EPHA3: variants seen among roughly 807,000 people sequenced by gnomAD.
EPHA3 encodes EPH receptor A3, also known as ephrin type-A receptor 3.
A neutral mutation model predicts 107.1 loss-of-function variants in EPHA3; 42 were observed. That is an observed-to-expected ratio of 0.39 (90% CI 0.31 to 0.51). The LOEUF (loss-of-function observed/expected upper bound fraction) is 0.51. Among genes scored for constraint, EPHA3 ranks in the 20% least tolerant of loss-of-function variants. EPHA3 has a pLI of 0.78. For missense variants in EPHA3, 1,183 were observed against 1,211.2 expected (o/e 0.98, Z 0.35); for synonymous variants, 461 against 424.8 (o/e 1.09, Z -1.05).
chr3:89,228,766 CA>C (rs1704558523), intron 3 of EPHA3, among the ~76,000 whole-genome samples: 1 of 151,792 alleles, frequency 6.6e-6, no homozygotes, highest in South Asian at 2.1e-4. Context: ...TGAATGGAAA[CA>C]TACACTTGAT....
At chr3:89,292,358 G>T (rs1481743490) in intron 3 of EPHA3, among the ~76,000 whole-genome samples, 1 of 152,082 alleles carries the variant, frequency 6.6e-6, no homozygotes, top group African/African-American at 2.4e-5. Context: ...ATGATTTAAA[G>T]TATACAAGAG....
intron 16 of EPHA3, among the ~76,000 whole-genome samples, chr3:89,475,781 A>G (rs1233142212): frequency 6.6e-6 from 1 of 152,158 alleles, no homozygotes; most frequent in African/African-American, 2.4e-5. Context: ...GAAGTACCAG[A>G]TAACACTTTA....
At chr3:89,442,112 A>T (rs2107547000) in intron 13 of EPHA3, among the ~76,000 whole-genome samples, 1 of 152,324 alleles carries the variant, frequency 6.6e-6, no homozygotes, top group South Asian at 2.1e-4. Flanking sequence ...TTACTAGCAA[A>T]CTTAAATTAA....
Position 89,431,300 on chromosome 3 carries a change from T to A in EPHA3, c.2287T>A (p.Ser763Thr). 6.2e-7 allele frequency: 1 copy of A among 1,613,818 alleles called. No homozygotes were observed. The highest frequency in any genetic ancestry group is 8.5e-7 in the Non-Finnish European group (1 of 1,179,936). ...CAACAGTAACTTGGTGTGTAAGGTT[T>A]CTGATTTCGGACTTTCGCGTGTCCT... ...LINSNLVCKV[S>T]DFGLSRVLED... Residue 763 changes from serine (S) to threonine (T), a missense_variant, in exon 13 of 17, where the codon TCT becomes ACT. Transcript: ENST00000336596.
chr3:89,298,314 A>G (rs181732247), intron 3 of EPHA3, among the ~76,000 whole-genome samples: 9 of 151,818 alleles, frequency 5.9e-5, no homozygotes, highest in East Asian at 3.9e-4. Context: ...CTGCAAAAAA[A>G]CTCTAGTCAT....
chr3:89,309,807 A>G (rs1341833701), intron 3 of EPHA3, among the ~76,000 whole-genome samples: 1 of 152,054 alleles, frequency 6.6e-6, no homozygotes, highest in African/African-American at 2.4e-5. Context: ...TACAAATTTA[A>G]AGAAGACCTT....
At chr3:89,226,190 T>C (rs1199639861) in intron 3 of EPHA3, among the ~76,000 whole-genome samples, 1 of 152,172 alleles carries the variant, frequency 6.6e-6, no homozygotes, top group Non-Finnish European at 1.5e-5. Flanking sequence ...TTATTTGCTA[T>C]GGGACTGTGG....
intron 3 of EPHA3, among the ~76,000 whole-genome samples, chr3:89,289,652 C>T (rs1160195892): frequency 6.6e-6 from 1 of 151,968 alleles, no homozygotes; most frequent in Non-Finnish European, 1.5e-5. Context: ...TTTATAAGTT[C>T]TTCCCAGTGA....
intron 3 of EPHA3, among the ~76,000 whole-genome samples, chr3:89,275,219 C>A (rs1290902804): frequency 1.3e-5 from 2 of 152,090 alleles, no homozygotes; most frequent in South Asian, 2.1e-4. Context: ...CTTGCGGGAG[C>A]AATGTCAATT....
chr3:89,393,674 T>C (rs904601396), intron 5 of EPHA3, among the ~76,000 whole-genome samples: 5 of 152,206 alleles, frequency 3.3e-5, no homozygotes, highest in African/African-American at 4.8e-5. Context: ...GATTTCCTCA[T>C]TGTAGAAAAT....
At chr3:89,318,108 A>G (rs1475865319) in intron 3 of EPHA3, among the ~76,000 whole-genome samples, 1 of 151,908 alleles carries the variant, frequency 6.6e-6, no homozygotes, top group Non-Finnish European at 1.5e-5. Context: ...TGACCCAGTC[A>G]GATTCAATTT....
At chr3:89,261,775 C>T (rs1198688777) in intron 3 of EPHA3, among the ~76,000 whole-genome samples, 1 of 151,728 alleles carries the variant, frequency 6.6e-6, no homozygotes, top group Non-Finnish European at 1.5e-5. Flanking sequence ...AAGCCATTTT[C>T]AGTCATTTTA....
chr3:89,232,298 G>T (rs1166328927), intron 3 of EPHA3, among the ~76,000 whole-genome samples: 2 of 152,056 alleles, frequency 1.3e-5, no homozygotes, highest in Non-Finnish European at 2.9e-5. Context: ...CTCATTTCTG[G>T]CCAGGCTGAT....
intron 11 of EPHA3, among the ~76,000 whole-genome samples, chr3:89,423,266 T>C (rs1709389837): frequency 6.6e-6 from 1 of 151,352 alleles, no homozygotes; most frequent in South Asian, 2.1e-4. Flanking sequence ...ATTTTCATAA[T>C]TAAAACTTAT....
intron 2 of EPHA3, among the ~76,000 whole-genome samples, chr3:89,146,300 A>T (rs1253020803): frequency 6.6e-6 from 1 of 151,868 alleles, no homozygotes; most frequent in African/African-American, 2.4e-5. Context: ...AATAAACCTT[A>T]TTTAACTTAA....
chr3:89,163,013 A>C (rs1449149896), intron 2 of EPHA3, among the ~76,000 whole-genome samples: 4 of 152,208 alleles, frequency 2.6e-5, no homozygotes, highest in Non-Finnish European at 5.9e-5. Flanking sequence ...CATGATTCAT[A>C]CTAAGATATA....
intron 14 of EPHA3, 42 bp downstream of exon 14, chr3:89,449,416 GA>G: frequency 6.7e-7 from 1 of 1,503,284 alleles, no homozygotes; most frequent in Non-Finnish European, 9.0e-7. Context: ...CAGATGAAAA[GA>G]TCAAGCTGTG....
chr3:89,255,938 A>C (rs2107270969), intron 3 of EPHA3, among the ~76,000 whole-genome samples: 1 of 151,878 alleles, frequency 6.6e-6, no homozygotes, highest in South Asian at 2.1e-4. Context: ...AAAAATAAAA[A>C]ATAGGCCGGG....
intron 3 of EPHA3, among the ~76,000 whole-genome samples, chr3:89,321,091 T>C (rs1331230267): frequency 6.6e-6 from 1 of 152,042 alleles, no homozygotes; most frequent in South Asian, 2.1e-4. Flanking sequence ...TATTCACACA[T>C]GTATGCGGAG....
Sources: gnomAD v4.1 joint callset for allele counts (sites outside exome capture counted in the v4.1 genomes callset) on GRCh38, gnomAD v4.1.1 for gene constraint, MANE v1.5 for transcripts, NCBI Gene and HGNC (gene_info 2026-07-23, HGNC 2026-07-21) for gene names.